The following PLA2R1 variants were observed in gnomAD, a reference collection of about 807,000 sequenced individuals.
PLA2R1 encodes phospholipase A2 receptor 1, also known as secretory phospholipase A2 receptor.
In PLA2R1, 158 loss-of-function variants were observed where a neutral mutation model predicts 195.9. The observed-to-expected ratio is 0.81, with a 90% CI of 0.71 to 0.92. The LOEUF (loss-of-function observed/expected upper bound fraction) is 0.92, where lower values mean the gene tolerates loss of function less well. PLA2R1 is among the 40% of genes least tolerant of loss of function. PLA2R1 has a pLI of 0.00. For missense variants in PLA2R1, 1,626 were observed against 1,764.6 expected, an observed-to-expected ratio of 0.92 and a Z score of 1.41; for synonymous variants, 586 against 598.2, an observed-to-expected ratio of 0.98 and a Z score of 0.30.
intron 20 of PLA2R1, among the ~76,000 whole-genome samples, chr2:159,963,570 T>C (rs541715371): frequency 3.3e-5 from 5 of 152,120 alleles, no homozygotes; most frequent in Non-Finnish European, 5.9e-5. Flanking sequence ...AATTTAAAAA[T>C]GGACAAAGGA....
At chr2:159,986,648 GCA>G (rs898263526) in intron 12 of PLA2R1, among the ~76,000 whole-genome samples, 5 of 150,822 alleles carry the variant, frequency 3.3e-5, no homozygotes, top group Admixed American at 1.3e-4. Context: ...GTGCTATGGC[GCA>G]GTCTCGGCTC....
intron 1 of PLA2R1, among the ~76,000 whole-genome samples, chr2:160,055,892 GGCTACA>G (rs1212990818): frequency 2.6e-5 from 4 of 152,012 alleles, no homozygotes; most frequent in African/African-American, 7.3e-5. Context: ...GAAATCTCAG[GGCTACA>G]GCTTCTCCCC....
At chr2:159,944,632 G>A (rs1038872225) in intron 28 of PLA2R1, among the ~76,000 whole-genome samples, 1 of 152,072 alleles carries the variant, frequency 6.6e-6, no homozygotes, top group Non-Finnish European at 1.5e-5. Flanking sequence ...TTTGCTTGAG[G>A]GAAAATGATT....
chr2:159,987,043 C>T (rs1249786727), intron 12 of PLA2R1, 113 bp downstream of exon 12: 1 of 716,958 alleles, frequency 1.4e-6, no homozygotes, highest in Non-Finnish European at 2.4e-6. Flanking sequence ...TGCTGTCTGT[C>T]AGGCACTGTT....
intron 1 of PLA2R1, among the ~76,000 whole-genome samples, chr2:160,053,963 T>C (rs1335802386): frequency 2.0e-5 from 3 of 152,244 alleles, no homozygotes; most frequent in Non-Finnish European, 4.4e-5. Flanking sequence ...CTTCTGAGTA[T>C]AGGGCCCTGT....
intron 2 of PLA2R1, among the ~76,000 whole-genome samples, chr2:160,043,150 T>C (rs1362747456): frequency 6.6e-6 from 1 of 152,158 alleles, no homozygotes; most frequent in African/African-American, 2.4e-5. Context: ...CCCGCCATAC[T>C]GCGGGCTTTG....
rs761091045 is a variant in PLA2R1 at position 159,987,342 on chromosome 2, A to G, written c.1851T>C (p.Cys617=). The change falls in exon 12 of 30, where the codon TGT becomes TGC. Residue 617 remains cysteine, a synonymous_variant. Coordinates refer to ENST00000283243, the MANE Select transcript of PLA2R1 (RefSeq NM_007366.5). ...NTHQPRYSGG[C]VAMRGRHPLG... ...GTGGATGCCTTCCTCGCATGGCAAC[A>G]CAGCCACCACTGTAGCCTAAAAGCA... is the stretch of plus-strand genomic sequence containing the variant. 6.2e-7 allele frequency: 1 copy of G among 1,610,946 alleles called. No homozygotes were observed. Among genetic ancestry groups the G allele is most frequent in the East Asian group, 2.2e-5 (1 of 44,794 alleles).
chr2:159,964,166 C>T (rs1209578030), intron 20 of PLA2R1, among the ~76,000 whole-genome samples: 1 of 152,038 alleles, frequency 6.6e-6, no homozygotes, highest in East Asian at 1.9e-4. Context: ...TATGAGTTCG[C>T]TAATATGAAA....
At chr2:159,951,268 G>A (rs1243728520) in intron 24 of PLA2R1, 72 bp downstream of exon 24, 1 of 797,052 alleles carries the variant, frequency 1.3e-6, no homozygotes, top group Non-Finnish European at 2.2e-6. Flanking sequence ...TAATTTCAGT[G>A]GCCAGATCAT....
At chr2:160,061,133 C>A (rs933759172) in intron 1 of PLA2R1, among the ~76,000 whole-genome samples, 4 of 152,172 alleles carry the variant, frequency 2.6e-5, no homozygotes, top group East Asian at 1.9e-4. Context: ...TCTTGTGTTA[C>A]CCCTTCTCTC....
At position 159,970,160 on chromosome 2, in the gene PLA2R1, T is replaced by C. The variant is rs767391090; in HGVS notation, c.2648A>G (p.Asn883Ser). 5.0e-6 allele frequency: 8 copies of C among 1,605,636 alleles called. No individual in the cohort carries two copies. Among genetic ancestry groups the C allele is most frequent in the Admixed American group, 1.7e-5 (1 of 59,768 alleles). ...TCTAGGTTCATACCGAAATTCATCA[T>C]TGGCTCTTTCTTCTTGAAGTCCAAT... ...WWIGLQEERA[N>S]DEFRWRDGTP... Residue 883 changes from asparagine to serine, a missense_variant, in exon 18 of 30, where the codon AAT becomes AGT. Physicochemically the swap from Asn to Ser is conservative, Grantham distance 46 (BLOSUM62 1). Coordinates refer to ENST00000283243, the MANE Select transcript of PLA2R1 (RefSeq NM_007366.5).
Position 159,977,365 on chromosome 2 carries a change from A to G in PLA2R1, c.2320T>C (p.Cys774Arg), listed in dbSNP as rs368229378. 9 of 1,612,758 alleles carry G rather than the reference A, an allele frequency of 5.6e-6. No homozygotes were observed. ...NTYFGEDARN[C>R]AVYKANKTLL... ...GTTTTGTTTGCCTTATAAACAGCAC[A>G]GTTTCTTGCATCTTCTCCAAAATAA... Residue 774 changes from cysteine to arginine, a missense_variant, in exon 15 of 30, where the codon TGT (cysteine) becomes CGT (arginine). Coordinates refer to ENST00000283243, the MANE Select transcript of PLA2R1 (RefSeq NM_007366.5).
chr2:159,944,314 T>C (rs757203273), intron 28 of PLA2R1, among the ~76,000 whole-genome samples: 1 of 152,220 alleles, frequency 6.6e-6, no homozygotes, highest in Non-Finnish European at 1.5e-5. Flanking sequence ...CCCTCCTTTA[T>C]AATACTGACA....
intron 11 of PLA2R1, among the ~76,000 whole-genome samples, chr2:159,997,962 T>A (rs545493983): frequency 6.6e-6 from 1 of 152,312 alleles, no homozygotes; most frequent in African/African-American, 2.4e-5. Context: ...GTAAACTGAC[T>A]TTCTTTGATC....
chr2:160,002,442 A>T (rs1027723892), intron 11 of PLA2R1, among the ~76,000 whole-genome samples: 6 of 152,018 alleles, frequency 3.9e-5, no homozygotes, highest in Non-Finnish European at 8.8e-5. Flanking sequence ...AATAAAAGTG[A>T]ACACTCTCCA....
chr2:160,033,145 G>A lies in PLA2R1; in HGVS notation c.668-13C>T. ...ACTTCTGCAGAGGCTGGAAACAATG[G>A]CCATTAAAAACAACCAGGTCTTATT... On this transcript the variant is annotated splice_polypyrimidine_tract_variant and intron_variant, in intron 3 of 29. Transcript: ENST00000283243. 6.3e-7 allele frequency: 1 copy of A among 1,597,100 alleles called. No individual in the cohort carries two copies. Among genetic ancestry groups the A allele is most frequent in the Middle Eastern group, 1.7e-4 (1 of 6,016 alleles).
rs115772480 is a variant in PLA2R1, at chr2:160,051,291, C to T, written c.110-6134G>A. 6.8e-3 allele frequency among the ~76,000 whole-genome samples: 1,035 copies of T among 152,310 alleles called. 14 individuals are homozygous for T. Among genetic ancestry groups the T allele is most frequent in the African/African-American group, 0.024 (998 of 41,560 alleles). On this transcript the variant is annotated intron_variant, in intron 1 of 29. Coordinates refer to ENST00000283243, the MANE Select transcript of PLA2R1 (RefSeq NM_007366.5). The stretch of plus-strand genomic sequence containing the variant: ...TGCTTAAGACAAGCTATTAGAAAGC[C>T]ACAGCATGCAGGCTGCAACCCAATT...
At chr2:160,006,189 C>CA (rs1291957780) in intron 10 of PLA2R1, among the ~76,000 whole-genome samples, 3 of 152,148 alleles carry the variant, frequency 2.0e-5, no homozygotes, top group Non-Finnish European at 4.4e-5. Flanking sequence ...ACACACCATG[C>CA]CACAATATGC....
chr2:159,926,714 T>C, the PLA2R1 span, among the ~76,000 whole-genome samples: 1 of 152,094 alleles, frequency 6.6e-6, no homozygotes, highest in African/African-American at 2.4e-5. Context: ...GGGACTACTG[T>C]ATTTATAAAG....
Sources: allele counts gnomAD v4.1 joint callset (sites outside exome capture counted in the v4.1 genomes callset), GRCh38; gene constraint gnomAD v4.1.1; transcripts MANE v1.5; gene names NCBI Gene and HGNC (gene_info 2026-07-23, HGNC 2026-07-21).